Variants in CDH6 observed in about 807,000 individuals in gnomAD.
The protein encoded by CDH6 is cadherin-6.
CDH6 carries 31 observed loss-of-function variants against 78.0 expected under a neutral mutation model. That is an observed-to-expected ratio of 0.40 (90% CI 0.30 to 0.54). The LOEUF (loss-of-function observed/expected upper bound fraction) is 0.54. Among genes scored for constraint, CDH6 ranks in the 20% least tolerant of loss-of-function variants. The pLI is 0.56. For missense variants in CDH6, 724 were observed against 975.9 expected, an observed-to-expected ratio of 0.74 and a Z score of 3.44; for synonymous variants, 376 against 368.8, an observed-to-expected ratio of 1.02 and a Z score of -0.23.
At chr5:31,257,749 G>A (rs1051350524) in intron 1 of CDH6, among the ~76,000 whole-genome samples, 1 of 152,000 alleles carries the variant, frequency 6.6e-6, no homozygotes, top group Non-Finnish European at 1.5e-5. Context: ...TGATAATCCA[G>A]CCTCCAGCAC....
intron 1 of CDH6, among the ~76,000 whole-genome samples, chr5:31,264,737 C>A (rs1401648022): frequency 1.3e-5 from 2 of 152,100 alleles, no homozygotes; most frequent in Non-Finnish European, 2.9e-5. Context: ...TGCACCCTGT[C>A]AAGTTGATAC....
chr5:31,207,576 C>G (rs1162028489), intron 1 of CDH6, among the ~76,000 whole-genome samples: 1 of 152,166 alleles, frequency 6.6e-6, no homozygotes, highest in East Asian at 1.9e-4. Flanking sequence ...CTAGGTCTCA[C>G]CTATCACACT....
intron 2 of CDH6, among the ~76,000 whole-genome samples, chr5:31,283,673 C>A (rs1016724215): frequency 6.6e-6 from 1 of 151,714 alleles, no homozygotes; most frequent in African/African-American, 2.4e-5. Context: ...TTATAAAAAT[C>A]AATTAAATCA....
At chr5:31,196,610 G>A (rs147227841) in intron 1 of CDH6, among the ~76,000 whole-genome samples, 6 of 152,218 alleles carry the variant, frequency 3.9e-5, no homozygotes, top group African/African-American at 1.2e-4. Context: ...TGTTACCTAA[G>A]ATAAGAGTAT....
chr5:31,242,701 T>TGC (rs1554005339), intron 1 of CDH6, among the ~76,000 whole-genome samples: 277 of 139,510 alleles, frequency 2.0e-3, no homozygotes, highest in African/African-American at 7.0e-3. Flanking sequence ...AGAATAAGAA[T>TGC]GGGGGGGGGC....
intron 1 of CDH6, among the ~76,000 whole-genome samples, chr5:31,215,621 T>A (rs1740841524): frequency 6.6e-6 from 1 of 152,144 alleles, no homozygotes; most frequent in African/African-American, 2.4e-5. Context: ...AGTCTCCATG[T>A]CTAAAGTAAA....
chr5:31,288,408 C>CAGA (rs1239300943), intron 2 of CDH6, among the ~76,000 whole-genome samples: 1 of 152,202 alleles, frequency 6.6e-6, no homozygotes, highest in African/African-American at 2.4e-5. Flanking sequence ...ATCTCTAAAA[C>CAGA]AGAAGCAACT....
chr5:31,301,946 G>A (rs750640988), intron 5 of CDH6, among the ~76,000 whole-genome samples, 165 bp from the exon 6 acceptor site: 9 of 152,288 alleles, frequency 5.9e-5, no homozygotes, highest in Non-Finnish European at 1.2e-4. Flanking sequence ...TAACAACCAC[G>A]AAAGTAGACA....
intron 7 of CDH6, among the ~76,000 whole-genome samples, chr5:31,310,260 C>A (rs1404752166): frequency 1.3e-5 from 2 of 152,120 alleles, no homozygotes; most frequent in Non-Finnish European, 2.9e-5. Context: ...GCAGCGCAGT[C>A]GTTAAATCCT....
intron 7 of CDH6, among the ~76,000 whole-genome samples, chr5:31,308,933 T>C (rs969490105): frequency 2.0e-5 from 3 of 152,122 alleles, no homozygotes; most frequent in Non-Finnish European, 4.4e-5. Flanking sequence ...TATATCTAGA[T>C]AATTATTAAA....
At chr5:31,205,121 C>T (rs1740479943) in intron 1 of CDH6, among the ~76,000 whole-genome samples, 1 of 152,230 alleles carries the variant, frequency 6.6e-6, no homozygotes, top group East Asian at 1.9e-4. Context: ...TGAGGGCATC[C>T]CTTGTAACTG....
chr5:31,214,576 A>G (rs1740813168), intron 1 of CDH6, among the ~76,000 whole-genome samples: 1 of 152,236 alleles, frequency 6.6e-6, no homozygotes, highest in African/African-American at 2.4e-5. Context: ...ATTATGTTGT[A>G]TCTAAAAGAA....
intron 1 of CDH6, among the ~76,000 whole-genome samples, chr5:31,235,763 T>G (rs1475988013): frequency 1.3e-5 from 2 of 152,186 alleles, no homozygotes; most frequent in Non-Finnish European, 2.9e-5. Flanking sequence ...GGCCAAAAAC[T>G]GAATATACTG....
At chr5:31,306,389 T>C (rs1394824273) in intron 7 of CDH6, among the ~76,000 whole-genome samples, 3 of 152,190 alleles carry the variant, frequency 2.0e-5, no homozygotes, top group Non-Finnish European at 2.9e-5. Flanking sequence ...TTGGGACCAC[T>C]GATGCTTCAG....
At chr5:31,270,688 TA>T (rs1267828594) in intron 2 of CDH6, among the ~76,000 whole-genome samples, 2 of 152,118 alleles carry the variant, frequency 1.3e-5, no homozygotes, top group African/African-American at 4.8e-5. Flanking sequence ...TCCTTTTTTT[TA>T]TTTTATTTAT....
At chr5:31,231,970 A>G (rs1477070307) in intron 1 of CDH6, among the ~76,000 whole-genome samples, 2 of 152,172 alleles carry the variant, frequency 1.3e-5, no homozygotes, top group Non-Finnish European at 2.9e-5. Context: ...TTTCTTTTCA[A>G]ATCACCCTGA....
chr5:31,299,776 A>C, intron 5 of CDH6, 145 bp downstream of exon 5: 1 of 654,604 alleles, frequency 1.5e-6, no homozygotes, highest in Non-Finnish European at 2.6e-6. Flanking sequence ...TGAGTTGACA[A>C]CATGGCATAC....
chr5:31,239,499 T>C (rs1741539867), intron 1 of CDH6, among the ~76,000 whole-genome samples: 1 of 152,232 alleles, frequency 6.6e-6, no homozygotes, highest in Admixed American at 6.5e-5. Flanking sequence ...AGAATTTATC[T>C]TATTAGAAAA....
At chr5:31,224,373 G>A (rs1262440062) in intron 1 of CDH6, among the ~76,000 whole-genome samples, 1 of 152,150 alleles carries the variant, frequency 6.6e-6, no homozygotes, top group Non-Finnish European at 1.5e-5. Context: ...GATGAGATCT[G>A]GGTGGGGACA....
Sources: allele counts gnomAD v4.1 joint callset (sites outside exome capture counted in the v4.1 genomes callset), GRCh38; gene constraint gnomAD v4.1.1; transcripts MANE v1.5; gene names NCBI Gene and HGNC (gene_info 2026-07-23, HGNC 2026-07-21).